Variants in ETS1 observed in about 807,000 individuals in gnomAD.
ETS1 encodes the protein protein C-ets-1.
In ETS1, 15 loss-of-function variants were observed where a neutral mutation model predicts 58.6. The observed-to-expected ratio is 0.26, with a 90% CI of 0.17 to 0.39. The LOEUF (loss-of-function observed/expected upper bound fraction) is 0.39, where lower values mean the gene tolerates loss of function less well. Among genes scored for constraint, ETS1 ranks in the 10% least tolerant of loss-of-function variants. The pLI is 1.00. For synonymous variants in ETS1, 214 were observed against 218.2 expected, an observed-to-expected ratio of 0.98 and a Z score of 0.17; for missense variants, 417 against 610.5, an observed-to-expected ratio of 0.68 and a Z score of 3.34.
At chr11:128,470,717 A>C (rs1862165091) in intron 8 of ETS1, among the ~76,000 whole-genome samples, 1 of 152,184 alleles carries the variant, frequency 6.6e-6, no homozygotes, top group South Asian at 2.1e-4. Flanking sequence ...AAGCACTAGA[A>C]AAAATCTAAT....
chr11:128,585,032 AAAAGAAAGAAAGAAAG>A lies in ETS1; in HGVS notation c.-15+2440_-15+2455del, dbSNP rs755191654. 1.4e-3 allele frequency among the ~76,000 whole-genome samples: 16 copies of A among 11,446 alleles called. 4 individuals are homozygous for A. The highest frequency in any genetic ancestry group is 3.3e-3 in the African/African-American group (6 of 1,820). The allele number at this position is 11,446 out of a possible 152,430, so 7.5% of individuals were successfully genotyped here. Reference sequence around the variant, plus strand: ...GAAAGGAAAGAAAGAAGAAAGAAAGAAAAGAAAGAAAGAAAGAAAGAAAGAAAGAAAGAAAGAAAGA... The same window carrying A: ...GAAAGGAAAGAAAGAAGAAAGAAAGAAAAGAAAGAAAGAAAGAAAGAAAGA... On this transcript the variant is annotated intron_variant, in intron 1 of 9. Coordinates refer to ENST00000392668, the MANE Select transcript of ETS1 (RefSeq NM_001143820.2).
At chr11:128,511,179 C>G (rs544681329) in intron 3 of ETS1, among the ~76,000 whole-genome samples, 1 of 152,166 alleles carries the variant, frequency 6.6e-6, no homozygotes, top group East Asian at 1.9e-4. Flanking sequence ...CTACCTGAAG[C>G]TCTCACTGAT....
At chr11:128,466,134 C>T (rs1447368265) in intron 8 of ETS1, among the ~76,000 whole-genome samples, 1 of 152,234 alleles carries the variant, frequency 6.6e-6, no homozygotes, top group Non-Finnish European at 1.5e-5. Context: ...ATCCGACCAC[C>T]AGTGGCCGTG....
In ETS1 at chr11:128,569,318, C is replaced by CT. The variant is rs398018017; in HGVS notation, c.69+3743dup. Reference sequence around the variant, plus strand: ...TACCATACATGGGACAGAGTTTCTTCTTTTTTTTTTTTTTTTTTTTTTTTG... The same window carrying CT: ...TACCATACATGGGACAGAGTTTCTTCTTTTTTTTTTTTTTTTTTTTTTTTTG... On this transcript the variant is annotated intron_variant, in intron 2 of 9. Coordinates refer to ENST00000392668, the MANE Select transcript of ETS1 (RefSeq NM_001143820.2). 9.4e-3 allele frequency among the ~76,000 whole-genome samples: 369 copies of CT among 39,440 alleles called. 29 individuals are homozygous for CT. Among genetic ancestry groups the CT allele is most frequent in the Non-Finnish European group, 0.012 (270 of 22,418 alleles). The allele number at this position is 39,440 out of a possible 152,430, so 25.9% of individuals were successfully genotyped here. A position where few individuals can be genotyped will look rare whatever the true frequency, so the allele number is the denominator to read the frequency against.
chr11:128,565,208 A>G (rs1944850), intron 2 of ETS1, among the ~76,000 whole-genome samples: 133,082 of 152,160 alleles, frequency 0.87, 58,337 homozygotes, highest in African/African-American at 0.92. Flanking sequence ...TGGGACTAGG[A>G]CCCTTTAAAA....
chr11:128,530,531 T>A (rs1309558186), intron 3 of ETS1: 15 of 152,322 alleles, frequency 9.8e-5, no homozygotes, highest in Non-Finnish European at 1.5e-5. Flanking sequence ...AAGTTGCTTC[T>A]TAATGGAAAC....
intron 7 of ETS1, among the ~76,000 whole-genome samples, chr11:128,481,179 T>C (rs145697992): frequency 6.6e-6 from 1 of 152,328 alleles, no homozygotes; most frequent in East Asian, 1.9e-4. Flanking sequence ...AGTAAAATTA[T>C]GTACTTGAAA....
At chr11:128,578,621 A>T (rs1864799896) in intron 1 of ETS1, among the ~76,000 whole-genome samples, 2 of 152,322 alleles carry the variant, frequency 1.3e-5, no homozygotes, top group Non-Finnish European at 1.5e-5. Context: ...TTATACTAAT[A>T]ATTTGTTCAA....
At position 128,501,725 on chromosome 11, in the gene ETS1, A is replaced by T. The variant is rs117993362; in HGVS notation, c.215-11149T>A. Among the ~76,000 whole-genome samples the T allele has an allele frequency of 8.0e-3, 1,212 of 152,376 alleles. 10 individuals carry two copies. Among genetic ancestry groups the T allele is most frequent in the Non-Finnish European group, 0.013 (888 of 68,032 alleles). The stretch of plus-strand genomic sequence containing the variant: ...ACATTAATCAAGACCCGTTGGGTAT[A>T]GTTGCTCAACCAGTTACAAATCCTC... On this transcript the variant is annotated intron_variant, in intron 3 of 9. Coordinates refer to ENST00000392668, the MANE Select transcript of ETS1 (RefSeq NM_001143820.2).
At chr11:128,467,146 A>T (rs2135415828) in intron 8 of ETS1, among the ~76,000 whole-genome samples, 1 of 152,346 alleles carries the variant, frequency 6.6e-6, no homozygotes, top group Middle Eastern at 3.4e-3. Flanking sequence ...TTCCAGCCAG[A>T]AACACTGGGC....
chr11:128,571,093 C>G (rs1174495496), intron 2 of ETS1, among the ~76,000 whole-genome samples: 2 of 151,696 alleles, frequency 1.3e-5, no homozygotes, highest in Non-Finnish European at 1.5e-5. Flanking sequence ...TTCCCTTGAA[C>G]AGAATAGCTA....
At position 128,533,430 on chromosome 11, in the gene ETS1, G is replaced by A. The variant is rs141139667; in HGVS notation, c.214+22861C>T. 1.5e-3 allele frequency among the ~76,000 whole-genome samples: 228 copies of A among 152,158 alleles called. 1 individual carries two copies. Among genetic ancestry groups the A allele is most frequent in the African/African-American group, 5.3e-3 (219 of 41,490 alleles). On this transcript the variant is annotated intron_variant, in intron 3 of 9. Coordinates refer to ENST00000392668, the MANE Select transcript of ETS1 (RefSeq NM_001143820.2). ...TAAACTCCCTTAGATACTCCTCACC[G>A]CCAAACAGATAAAATCCAAGCACAG... is the stretch of plus-strand genomic sequence containing the variant.
rs75175311 is a variant in ETS1, at chr11:128,584,835, A to T, written c.-15+2653T>A. On this transcript the variant is annotated intron_variant, in intron 1 of 9. Coordinates refer to ENST00000392668, the MANE Select transcript of ETS1 (RefSeq NM_001143820.2). ...ATGCTAAATACTTTATCATTTCCAT[A>T]ATGAAGAAAGAAAGGGAGGAAAGGG... Among the ~76,000 whole-genome samples the T allele has an allele frequency of 7.2e-3, 1,081 of 150,684 alleles. 14 individuals are homozygous for T. The highest frequency in any genetic ancestry group is 0.024 in the African/African-American group (996 of 40,880).
At chr11:128,525,078 G>T (rs576671250) in intron 3 of ETS1, among the ~76,000 whole-genome samples, 17 of 152,070 alleles carry the variant, frequency 1.1e-4, no homozygotes, top group South Asian at 2.1e-4. Context: ...TGCTTGTACT[G>T]CAGCAGTCTG....
chr11:128,489,348 C>T lies in ETS1; in HGVS notation c.477G>A (p.Glu159=). The T allele has an allele frequency of 6.2e-7, 1 of 1,614,186 alleles. No homozygotes were observed. The highest frequency in any genetic ancestry group is 8.5e-7 in the Non-Finnish European group (1 of 1,180,022). Residue 159 remains glutamate, a synonymous_variant, in exon 5 of 10, where the codon GAG becomes GAA. Transcript: ENST00000392668. ...LCALGKDCFL[E]LAPDFVGDIL... Reference sequence around the variant, plus strand: ...TGTCCCCAACAAAGTCTGGGGCCAGCTCGAGAAAGCAGTCTTTACCCAGGG... The same window carrying T: ...TGTCCCCAACAAAGTCTGGGGCCAGTTCGAGAAAGCAGTCTTTACCCAGGG...
intron 3 of ETS1, chr11:128,521,937 C>G: frequency 6.2e-7 from 1 of 1,606,792 alleles, no homozygotes; most frequent in Non-Finnish European, 8.5e-7. Context: ...AGCTCCAGAT[C>G]GACTTTTTCC....
intron 2 of ETS1, among the ~76,000 whole-genome samples, chr11:128,562,473 G>A (rs1864419564): frequency 6.6e-6 from 1 of 152,106 alleles, no homozygotes; most frequent in South Asian, 2.1e-4. Flanking sequence ...ATTCCCCTGG[G>A]CATCTTAGGA....
chr11:128,569,261 A>G (rs1253384198), intron 2 of ETS1, among the ~76,000 whole-genome samples: 3 of 134,872 alleles, frequency 2.2e-5, no homozygotes, highest in Non-Finnish European at 3.1e-5. Context: ...GAAAACCCCA[A>G]TACTCTCATG....
chr11:128,461,542 T>G lies in ETS1; in HGVS notation c.*819A>C, dbSNP rs918995641. ...TAATTGTAGATGACATTCACACACA[T>G]AATTCCCCTGTACCCAAATCAGCAT... On this transcript the variant is annotated 3_prime_UTR_variant, in exon 10 of 10. Transcript: ENST00000392668. The G allele has an allele frequency of 1.0e-4, 16 of 152,748 alleles. No individual in the cohort carries two copies. The highest frequency in any genetic ancestry group is 3.4e-4 in the African/African-American group (14 of 41,440). 9.5% of individuals were successfully genotyped at this position (152,748 alleles called of 1,614,324 possible).
Sources: allele counts gnomAD v4.1 joint callset (sites outside exome capture counted in the v4.1 genomes callset), GRCh38; gene constraint gnomAD v4.1.1; transcripts MANE v1.5; gene names NCBI Gene and HGNC (gene_info 2026-07-23, HGNC 2026-07-21).